KIAA0930: variants seen among roughly 807,000 people sequenced by gnomAD.
KIAA0930 encodes the protein uncharacterized protein KIAA0930.
Under a neutral mutation model 43.9 loss-of-function variants are expected in KIAA0930, and 24 were observed. The observed-to-expected ratio is 0.55, with a 90% CI of 0.40 to 0.77. The LOEUF (loss-of-function observed/expected upper bound fraction) is 0.77. Among genes scored for constraint, KIAA0930 ranks in the 30% least tolerant of loss-of-function variants. KIAA0930 has a pLI of 0.00. For missense variants in KIAA0930, 461 were observed against 574.2 expected (o/e 0.80, Z 2.02); for synonymous variants, 259 against 216.4 (o/e 1.20, Z -1.73).
At chr22:45,213,621 T>C (rs2083713249) in intron 1 of KIAA0930, 6 of 451,280 alleles carry the variant, frequency 1.3e-5, no homozygotes, top group Non-Finnish European at 1.9e-5. Context: ...TATTCCTGGA[T>C]AAACTTCAAT....
At chr22:45,228,598 C>G (rs577253283) in intron 1 of KIAA0930, among the ~76,000 whole-genome samples, 29 of 152,272 alleles carry the variant, frequency 1.9e-4, no homozygotes, top group African/African-American at 7.0e-4. Flanking sequence ...CTTTTCCTGC[C>G]GCCTCTGCTC....
At chr22:45,201,190 C>T (rs1037890145) in intron 7 of KIAA0930, among the ~76,000 whole-genome samples, 1 of 152,244 alleles carries the variant, frequency 6.6e-6, no homozygotes, top group Non-Finnish European at 1.5e-5. Context: ...AAACAAACAG[C>T]AGCAACCACA....
At chr22:45,212,431 C>A (rs951970232) in intron 1 of KIAA0930, 3 of 1,504,616 alleles carry the variant, frequency 2.0e-6, no homozygotes, top group African/African-American at 1.4e-5. Context: ...GAGCCAGGAA[C>A]GCCACTGGCT....
At chr22:45,205,770 G>GGGGCCCCCCCCCCCCCC in intron 3 of KIAA0930, 23 bp downstream of exon 3, 2 of 1,523,784 alleles carry the variant, frequency 1.3e-6, no homozygotes, top group Non-Finnish European at 1.8e-6. Context: ...CCAATCCGCA[G>GGGGCCCCCCCCCCCCCC]CCCCACCCAT....
At chr22:45,224,306 G>A (rs1484908488) in intron 1 of KIAA0930, among the ~76,000 whole-genome samples, 1 of 152,138 alleles carries the variant, frequency 6.6e-6, no homozygotes, top group Non-Finnish European at 1.5e-5. Flanking sequence ...TCCTCATCCC[G>A]CAAATAAAAC....
chr22:45,221,909 A>G (rs2083770127), intron 1 of KIAA0930, among the ~76,000 whole-genome samples: 1 of 152,098 alleles, frequency 6.6e-6, no homozygotes, highest in Non-Finnish European at 1.5e-5. Context: ...TAATTTTTCT[A>G]TTTTAGTAGA....
chr22:45,197,524 T>C (rs944348953), intron 9 of KIAA0930, among the ~76,000 whole-genome samples: 5 of 152,064 alleles, frequency 3.3e-5, no homozygotes, highest in African/African-American at 1.2e-4. Flanking sequence ...CCCTCGCCCG[T>C]GAGTAACACA....
chr22:45,225,740 C>T (rs1280855698), intron 1 of KIAA0930, among the ~76,000 whole-genome samples: 3 of 152,230 alleles, frequency 2.0e-5, no homozygotes, highest in African/African-American at 7.2e-5. Context: ...CACCGGCCTT[C>T]CCTGACCCAG....
At chr22:45,238,336 G>A (rs2083898938) in intron 1 of KIAA0930, among the ~76,000 whole-genome samples, 2 of 152,162 alleles carry the variant, frequency 1.3e-5, no homozygotes, top group African/African-American at 4.8e-5. Context: ...TGTTTACTGG[G>A]CACCTGCTCC....
At chr22:45,218,752 A>T (rs1209944788) in intron 1 of KIAA0930, among the ~76,000 whole-genome samples, 2 of 152,130 alleles carry the variant, frequency 1.3e-5, no homozygotes, top group Non-Finnish European at 2.9e-5. Context: ...TTACAAATGC[A>T]GAAACTAAGC....
At chr22:45,217,286 G>A (rs1010172372) in intron 1 of KIAA0930, among the ~76,000 whole-genome samples, 18 of 144,650 alleles carry the variant, frequency 1.2e-4, no homozygotes, top group Non-Finnish European at 2.5e-4. Flanking sequence ...GCTTGAACCC[G>A]GGAGGCGGAA....
At chr22:45,228,743 T>C (rs73890254) in intron 1 of KIAA0930, among the ~76,000 whole-genome samples, 48 of 11,120 alleles carry the variant, frequency 4.3e-3, no homozygotes, top group South Asian at 6.1e-3. Context: ...TCCACCCCCC[T>C]ACCACCACTC....
rs199963670 is a variant in KIAA0930 at position 45,205,844 on chromosome 22, G to T, written c.285C>A (p.Asp95Glu). Residue 95 changes from aspartate (D) to glutamate (E), a missense_variant, in exon 3 of 10, where the codon GAC becomes GAA. Coordinates refer to ENST00000336156, the MANE Select transcript of KIAA0930 (RefSeq NM_001009880.2). ...RDSKKLPGLG[D>E]PDIDWEESVC... ...CGCTCTCCTCCCAGTCGATGTCAGG[G>T]TCTCCCAGGCCTGGCAGCTTCTTGG... 8.7e-6 allele frequency: 14 copies of T among 1,612,512 alleles called. No individual in the cohort carries two copies.
chr22:45,197,503 C>T (rs1255307547), intron 9 of KIAA0930, among the ~76,000 whole-genome samples: 1 of 152,202 alleles, frequency 6.6e-6, no homozygotes, highest in East Asian at 1.9e-4. Context: ...GCGAGGTGGC[C>T]TGAGAGCCTC....
At chr22:45,214,409 T>A (rs2083718736) in intron 1 of KIAA0930, among the ~76,000 whole-genome samples, 1 of 152,150 alleles carries the variant, frequency 6.6e-6, no homozygotes, top group South Asian at 2.1e-4. Context: ...AAACTAGTGA[T>A]CCACACTACA....
intron 7 of KIAA0930, among the ~76,000 whole-genome samples, chr22:45,200,571 G>A (rs934082883): frequency 3.3e-5 from 5 of 152,174 alleles, no homozygotes; most frequent in South Asian, 4.1e-4. Context: ...CAGGGCTGAC[G>A]TGGCCCCATC....
intron 2 of KIAA0930, chr22:45,211,259 C>T (rs1019995416): frequency 1.5e-5 from 6 of 395,568 alleles, no homozygotes; most frequent in Admixed American, 4.4e-5. Context: ...AAAACAAAAG[C>T]GTTTCCATGT....
chr22:45,234,544 C>A (rs1230927071), intron 1 of KIAA0930, among the ~76,000 whole-genome samples: 1 of 152,252 alleles, frequency 6.6e-6, no homozygotes, highest in Non-Finnish European at 1.5e-5. Context: ...GCCCCGTGAA[C>A]ACCCGTCTAC....
Position 45,205,894 on chromosome 22 carries a change from C to G in KIAA0930, c.235G>C (p.Glu79Gln). 6.2e-7 allele frequency: 1 copy of G among 1,613,636 alleles called. No homozygotes were observed. The highest frequency in any genetic ancestry group is 1.3e-5 in the African/African-American group (1 of 75,042). ...GAGTCCCGCCGGTACACCTCCACCT[C>G]CACCTCAGGCTCAGCTGCCTGCGAG... ...DGRKAAEPEVEVEVYRRDSKK... is the reference protein window; with the variant it reads ...DGRKAAEPEVQVEVYRRDSKK... The change falls in exon 3 of 10, where the codon GAG becomes CAG. Residue 79 changes from glutamate to glutamine, a missense_variant. Glu to Gln is a conservative substitution (Grantham distance 29, BLOSUM62 2). Transcript: ENST00000336156.
Sources: gnomAD v4.1 joint callset for allele counts (sites outside exome capture counted in the v4.1 genomes callset) on GRCh38, gnomAD v4.1.1 for gene constraint, MANE v1.5 for transcripts, NCBI Gene and HGNC (gene_info 2026-07-23, HGNC 2026-07-21) for gene names.